Variants in FBXL13 observed in about 807,000 individuals in gnomAD.
FBXL13 encodes F-box and leucine rich repeat protein 13.
A neutral mutation model predicts 83.6 loss-of-function variants in FBXL13; 67 were observed. The ratio of observed to expected loss-of-function variants is 0.80; its 90% confidence interval spans 0.66 to 0.98. The LOEUF (loss-of-function observed/expected upper bound fraction) is 0.98, where lower values mean the gene tolerates loss of function less well. Among genes scored for constraint, FBXL13 ranks in the 50% least tolerant of loss-of-function variants. The probability of loss-of-function intolerance (pLI) is 0.00; values close to 1 mark genes in which losing one functional copy is unlikely to be tolerated. For synonymous variants in FBXL13, 272 were observed against 299.5 expected (o/e 0.91, Z 0.95); for missense variants, 822 against 866.5 (o/e 0.95, Z 0.64).
chr7:102,977,525 T>C (rs187278671), intron 6 of FBXL13, among the ~76,000 whole-genome samples: 1 of 152,350 alleles, frequency 6.6e-6, no homozygotes, highest in East Asian at 1.9e-4. Flanking sequence ...GATGTTTCTC[T>C]AATTTAGAAG....
At position 102,975,932 on chromosome 7, in the gene FBXL13, T is replaced by G. The variant is rs767435393; in HGVS notation, c.496-7815A>C. 9 of 764,514 alleles carry G rather than the reference T, an allele frequency of 1.2e-5. No individual in the cohort carries two copies. In the South Asian group the frequency reaches 1.2e-4, roughly 10 times the overall value. 47.4% of individuals were successfully genotyped at this position (764,514 alleles called of 1,614,324 possible). A position where few individuals can be genotyped will look rare whatever the true frequency, so the allele number is the denominator to read the frequency against. ...GGGGCCACAGCTCCACACAGAAGCC[T>G]CCTAGCAATCCACCTCCACCTGGTG... On this transcript the variant is annotated intron_variant, in intron 6 of 19. Coordinates refer to ENST00000313221, the Ensembl canonical transcript of FBXL13.
At chr7:102,875,924 A>G (rs1193985392) in intron 16 of FBXL13, among the ~76,000 whole-genome samples, 5 of 152,214 alleles carry the variant, frequency 3.3e-5, no homozygotes, top group African/African-American at 1.2e-4. Flanking sequence ...AAAGAAAGGT[A>G]GAGGAAAACC....
exon 6 of FBXL13, chr7:103,025,102 T>C (rs769836882): frequency 6.2e-7 from 1 of 1,612,258 alleles, no homozygotes; most frequent in South Asian, 1.1e-5. Context: ...AAATGTCACA[T>C]TTTAGAGTCT....
intron 16 of FBXL13, among the ~76,000 whole-genome samples, chr7:102,860,466 A>G (rs965784957): frequency 6.6e-5 from 10 of 152,210 alleles, no homozygotes; most frequent in African/African-American, 2.4e-4. Flanking sequence ...TTCATGTGCA[A>G]AGTGTGAGTT....
chr7:102,907,481 C>G (rs1483833402), intron 11 of FBXL13, among the ~76,000 whole-genome samples: 1 of 151,740 alleles, frequency 6.6e-6, no homozygotes, highest in Non-Finnish European at 1.5e-5. Context: ...TCCCGCCCCC[C>G]CACAACAGGC....
intron 6 of FBXL13, among the ~76,000 whole-genome samples, chr7:102,990,347 A>G (rs1829433779): frequency 1.3e-5 from 2 of 152,246 alleles, no homozygotes; most frequent in African/African-American, 4.8e-5. Context: ...GCCCAGAATC[A>G]AGTGCTACTG....
At chr7:102,848,932 G>A (rs1035212926) in intron 17 of FBXL13, among the ~76,000 whole-genome samples, 3 of 152,204 alleles carry the variant, frequency 2.0e-5, no homozygotes, top group African/African-American at 7.2e-5. Context: ...CCCAGGATGC[G>A]GAGGTTGCAG....
At chr7:102,894,162 A>G (rs1811966266) in intron 11 of FBXL13, among the ~76,000 whole-genome samples, 1 of 152,156 alleles carries the variant, frequency 6.6e-6, no homozygotes, top group Non-Finnish European at 1.5e-5. Flanking sequence ...CCAGGGGTGA[A>G]CAAGTAAGAC....
At chr7:102,967,250 A>T (rs1585170939) in intron 7 of FBXL13, among the ~76,000 whole-genome samples, 1 of 136,208 alleles carries the variant, frequency 7.3e-6, no homozygotes, top group Admixed American at 8.0e-5. Flanking sequence ...GAGCTACTGC[A>T]CCCAGCCAAT....
At chr7:102,950,900 A>C (rs1295606686) in intron 8 of FBXL13, among the ~76,000 whole-genome samples, 2 of 152,206 alleles carry the variant, frequency 1.3e-5, no homozygotes, top group East Asian at 3.8e-4. Context: ...TAGGGGAATG[A>C]AACTACTCAG....
At chr7:102,860,469 T>C (rs1027699782) in intron 16 of FBXL13, among the ~76,000 whole-genome samples, 2 of 152,144 alleles carry the variant, frequency 1.3e-5, no homozygotes, top group African/African-American at 4.8e-5. Flanking sequence ...ATGTGCAAAG[T>C]GTGAGTTGTT....
intron 6 of FBXL13, among the ~76,000 whole-genome samples, chr7:102,969,510 G>A (rs1304351678): frequency 1.3e-5 from 2 of 151,922 alleles, no homozygotes; most frequent in African/African-American, 4.8e-5. Context: ...AAGAGAGAGA[G>A]AGAGAAATCC....
intron 17 of FBXL13, among the ~76,000 whole-genome samples, chr7:102,838,392 T>C (rs1263878593): frequency 6.6e-6 from 1 of 152,150 alleles, no homozygotes; most frequent in Non-Finnish European, 1.5e-5. Context: ...ATTATTTGTA[T>C]GCACTGCTTC....
chr7:102,833,596 CTTT>C (rs1225188712), intron 17 of FBXL13, among the ~76,000 whole-genome samples: 2 of 138,202 alleles, frequency 1.4e-5, no homozygotes, highest in Admixed American at 1.4e-4. Flanking sequence ...CCGGCTAATT[CTTT>C]TTTTTTTTTT....
At chr7:103,009,699 C>A (rs1791385896) in intron 6 of FBXL13, among the ~76,000 whole-genome samples, 1 of 152,358 alleles carries the variant, frequency 6.6e-6, no homozygotes, top group East Asian at 1.9e-4. Context: ...AATTGTTCCA[C>A]CCCTCCTTGC....
chr7:103,033,953 T>C (rs1405207574), intron 2 of FBXL13, among the ~76,000 whole-genome samples: 4 of 152,130 alleles, frequency 2.6e-5, no homozygotes, highest in Admixed American at 6.5e-5. Flanking sequence ...CCAGATTAGC[T>C]AGATACAGAG....
At chr7:102,918,998 T>A (rs117315142) in intron 10 of FBXL13, among the ~76,000 whole-genome samples, 2 of 152,324 alleles carry the variant, frequency 1.3e-5, no homozygotes, top group Non-Finnish European at 2.9e-5. Context: ...CTGGAGGATC[T>A]TAAGTAATTC....
chr7:102,880,107 C>T (rs1298434179), intron 14 of FBXL13, among the ~76,000 whole-genome samples: 1 of 152,120 alleles, frequency 6.6e-6, no homozygotes, highest in Non-Finnish European at 1.5e-5. Flanking sequence ...CTTTTTGTTG[C>T]TGATTCCCAT....
At chr7:102,962,499 C>T (rs545736569) in intron 8 of FBXL13, among the ~76,000 whole-genome samples, 1 of 152,078 alleles carries the variant, frequency 6.6e-6, no homozygotes, top group African/African-American at 2.4e-5. Flanking sequence ...ACCCAAAGGA[C>T]TAGAAATCAT....
Sources: allele counts gnomAD v4.1 joint callset (sites outside exome capture counted in the v4.1 genomes callset), GRCh38; gene constraint gnomAD v4.1.1; transcripts MANE v1.5; gene names NCBI Gene and HGNC (gene_info 2026-07-23, HGNC 2026-07-21).